RAB3C: variants seen among roughly 807,000 people sequenced by gnomAD.
RAB3C encodes RAB3C, member RAS oncogene family.
RAB3C carries 17 observed loss-of-function variants against 26.4 expected under a neutral mutation model. That is an observed-to-expected ratio of 0.64 (90% confidence interval 0.44 to 0.97). The LOEUF (loss-of-function observed/expected upper bound fraction) is 0.97. RAB3C is among the 50% of genes least tolerant of loss of function. The pLI, the probability that RAB3C is intolerant of heterozygous loss-of-function variation, is 0.00. For synonymous variants in RAB3C, 91 were observed against 95.9 expected, an observed-to-expected ratio of 0.95 and a Z score of 0.30; for missense variants, 242 against 281.9, an observed-to-expected ratio of 0.86 and a Z score of 1.01.
In RAB3C at chr5:58,851,396, C is replaced by A. The variant is rs189904682; in HGVS notation, c.*45C>A. The stretch of plus-strand genomic sequence containing the variant: ...AGCTCCAGGGGGCTCTGGTTGCCAA[C>A]AAACAGCATTTGTAAATGGTCTATT... On this transcript the variant is annotated 3_prime_UTR_variant, in exon 5 of 5. Transcript: ENST00000282878. 3,878 of 1,470,698 alleles carry A rather than the reference C, an allele frequency of 2.6e-3. 6 individuals are homozygous for A. The highest frequency in any genetic ancestry group is 3.0e-3 in the Non-Finnish European group (3,317 of 1,092,574). The allele number at this position is 1,470,698 out of a possible 1,614,324, so 91.1% of individuals were successfully genotyped here.
At chr5:58,679,321 G>T (rs1267939900) in intron 2 of RAB3C, among the ~76,000 whole-genome samples, 1 of 152,050 alleles carries the variant, frequency 6.6e-6, no homozygotes, top group African/African-American at 2.4e-5. Context: ...TGCACAATTT[G>T]AACTACATCT....
At chr5:58,633,169 C>T (rs158977) in intron 2 of RAB3C, among the ~76,000 whole-genome samples, 2 of 151,982 alleles carry the variant, frequency 1.3e-5, no homozygotes, top group African/African-American at 2.4e-5. Context: ...AGGAAGCATA[C>T]GGTTTCATTT....
intron 2 of RAB3C, among the ~76,000 whole-genome samples, chr5:58,701,611 A>G (rs1748843921): frequency 6.6e-6 from 1 of 152,170 alleles, no homozygotes; most frequent in African/African-American, 2.4e-5. Flanking sequence ...GAAGTCCAAA[A>G]TGGGTCTTCA....
intron 3 of RAB3C, among the ~76,000 whole-genome samples, chr5:58,762,612 G>C (rs1391137947): frequency 6.6e-6 from 1 of 152,180 alleles, no homozygotes; most frequent in Non-Finnish European, 1.5e-5. Flanking sequence ...AGAATCCTTT[G>C]AACCTGGGAG....
chr5:58,753,523 T>G (rs779936620), intron 3 of RAB3C, among the ~76,000 whole-genome samples: 20 of 152,066 alleles, frequency 1.3e-4, no homozygotes, highest in Non-Finnish European at 1.5e-4. Flanking sequence ...CCTCCCTCAA[T>G]TATAGTAGTC....
At chr5:58,687,238 C>T (rs1748463370) in intron 2 of RAB3C, among the ~76,000 whole-genome samples, 1 of 152,118 alleles carries the variant, frequency 6.6e-6, no homozygotes, top group Non-Finnish European at 1.5e-5. Flanking sequence ...GCAAAATGTG[C>T]ATCTATTCCC....
chr5:58,703,650 C>T (rs531061376), intron 2 of RAB3C, among the ~76,000 whole-genome samples: 11 of 152,116 alleles, frequency 7.2e-5, no homozygotes, highest in East Asian at 3.9e-4. Context: ...TGAGGTCCAC[C>T]GTGCAACTAC....
chr5:58,617,790 G>A lies in RAB3C; in HGVS notation c.172G>A (p.Ala58Thr). ...FRYADDSFTSAFVSTVGIDFK... is the reference protein window; with the variant it reads ...FRYADDSFTSTFVSTVGIDFK... The stretch of plus-strand genomic sequence containing the variant: ...TTATGCAGATGACTCCTTTACATCT[G>A]CATTCGTCAGCACAGTTGGGATCGA... The change falls in exon 2 of 5, where the codon GCA (alanine) becomes ACA (threonine). Residue 58 changes from alanine (A) to threonine (T), a missense_variant. Ala to Thr is a moderately conservative substitution (Grantham distance 58). Transcript: ENST00000282878. The A allele has an allele frequency of 3.1e-6, 5 of 1,613,726 alleles. No homozygotes were observed. Among genetic ancestry groups the A allele is most frequent in the Non-Finnish European group, 4.2e-6 (5 of 1,179,784 alleles).
chr5:58,727,419 A>G (rs1740917284), intron 3 of RAB3C, among the ~76,000 whole-genome samples: 1 of 152,060 alleles, frequency 6.6e-6, no homozygotes, highest in Non-Finnish European at 1.5e-5. Context: ...GGAATTCAGA[A>G]GAAAGCTTAA....
intron 3 of RAB3C, among the ~76,000 whole-genome samples, chr5:58,785,839 G>A (rs546632684): frequency 2.2e-4 from 33 of 152,224 alleles, no homozygotes; most frequent in Non-Finnish European, 3.8e-4. Context: ...GATCACAAGG[G>A]TCCGTGAAGC....
At chr5:58,704,060 A>C (rs771792381) in intron 2 of RAB3C, among the ~76,000 whole-genome samples, 5 of 152,216 alleles carry the variant, frequency 3.3e-5, no homozygotes, top group Non-Finnish European at 5.9e-5. Flanking sequence ...CCCAGAAAGA[A>C]TCTCTGATTC....
intron 4 of RAB3C, among the ~76,000 whole-genome samples, chr5:58,837,539 C>A (rs1429928493): frequency 1.5e-5 from 2 of 137,174 alleles, no homozygotes; most frequent in African/African-American, 5.4e-5. Context: ...TTTTCTATTT[C>A]TTCTTGTTTC....
At chr5:58,647,323 G>A (rs964093517) in intron 2 of RAB3C, among the ~76,000 whole-genome samples, 1 of 152,156 alleles carries the variant, frequency 6.6e-6, no homozygotes. Flanking sequence ...GAAGGTGAAG[G>A]GGAGGCAAGT....
At position 58,855,533 on chromosome 5, in the gene RAB3C, A is replaced by G. The variant is rs894661188; in HGVS notation, c.*4182A>G. The G allele has an allele frequency of 4.6e-5, 7 of 151,872 alleles. No individual in the cohort carries two copies. Among genetic ancestry groups the G allele is most frequent in the African/African-American group, 1.7e-4 (7 of 41,300 alleles). The allele number at this position is 151,872 out of a possible 1,614,324, so 9.4% of individuals were successfully genotyped here. On this transcript the variant is annotated 3_prime_UTR_variant, in exon 5 of 5. Transcript: ENST00000282878. ...ACTACACCCATGTGGCCTTTCTGTC[A>G]CTCCCTGGAAAATGCAACCTCTACA...
In RAB3C at chr5:58,612,546, A is replaced by G. The variant is rs373515287; in HGVS notation, c.25-5097A>G. Among the ~76,000 whole-genome samples the G allele has an allele frequency of 1.4e-3, 74 of 53,424 alleles. 1 individual carries two copies. The highest frequency in any genetic ancestry group is 1.9e-3 in the South Asian group (4 of 2,052). The allele number at this position is 53,424 out of a possible 152,430, so 35.0% of individuals were successfully genotyped here. A position where few individuals can be genotyped will look rare whatever the true frequency, so the allele number is the denominator to read the frequency against. ...TATATATATATATATATATATATAT[A>G]TGTATATATATATATATGTATATAT... On this transcript the variant is annotated intron_variant, in intron 1 of 4. Coordinates refer to ENST00000282878, the MANE Select transcript of RAB3C (RefSeq NM_138453.4).
chr5:58,613,505 T>C (rs780061210), intron 1 of RAB3C, among the ~76,000 whole-genome samples: 39 of 152,072 alleles, frequency 2.6e-4, no homozygotes, highest in Admixed American at 1.0e-3. Context: ...GATGAAGGGA[T>C]TGTCAGATCA....
At chr5:58,848,430 T>C (rs967593958) in intron 4 of RAB3C, 3 of 152,216 alleles carry the variant, frequency 2.0e-5, no homozygotes, top group African/African-American at 7.2e-5. Context: ...TTTCAGTGTA[T>C]CTGGAGAAGC....
At chr5:58,764,989 CT>C (rs1394814228) in intron 3 of RAB3C, among the ~76,000 whole-genome samples, 1 of 152,002 alleles carries the variant, frequency 6.6e-6, no homozygotes, top group Non-Finnish European at 1.5e-5. Context: ...CAGGCACTTG[CT>C]TTTTTAAAAG....
At chr5:58,717,318 T>C (rs1271404008) in intron 2 of RAB3C, among the ~76,000 whole-genome samples, 2 of 152,234 alleles carry the variant, frequency 1.3e-5, no homozygotes, top group Non-Finnish European at 2.9e-5. Context: ...TTGTAGCTCT[T>C]GCTGTTTCAA....
Sources: allele counts gnomAD v4.1 joint callset (sites outside exome capture counted in the v4.1 genomes callset), GRCh38; gene constraint gnomAD v4.1.1; transcripts MANE v1.5; gene names NCBI Gene and HGNC (gene_info 2026-07-23, HGNC 2026-07-21).